Variants in NKAIN2 observed in about 807,000 individuals in gnomAD.
NKAIN2 encodes the protein sodium/potassium-transporting ATPase subunit beta-1-interacting protein 2.
A neutral mutation model predicts 32.6 loss-of-function variants in NKAIN2; 14 were observed. That is an observed-to-expected ratio of 0.43 (90% CI 0.28 to 0.67). The LOEUF (loss-of-function observed/expected upper bound fraction) is 0.67. NKAIN2 is among the 30% of genes least tolerant of loss of function. The pLI is 0.17. For missense variants in NKAIN2, 198 were observed against 258.3 expected, an observed-to-expected ratio of 0.77 and a Z score of 1.60; for synonymous variants, 80 against 87.2, an observed-to-expected ratio of 0.92 and a Z score of 0.46.
At chr6:124,100,864 C>G (rs972796930) in intron 1 of NKAIN2, among the ~76,000 whole-genome samples, 1 of 152,084 alleles carries the variant, frequency 6.6e-6, no homozygotes, top group African/African-American at 2.4e-5. Flanking sequence ...CACAAACTTG[C>G]CCAGAGGCAA....
intron 1 of NKAIN2, among the ~76,000 whole-genome samples, chr6:124,232,752 GA>G (rs35001895): frequency 0.57 from 86,565 of 150,872 alleles, 27,240 homozygotes; most frequent in South Asian, 0.72. Flanking sequence ...TATTTTTGAG[GA>G]AAAAAAAAAT....
chr6:124,278,650 C>CATATAT (rs57008229), intron 1 of NKAIN2, among the ~76,000 whole-genome samples: 1,921 of 68,568 alleles, frequency 0.028, 83 homozygotes, highest in Middle Eastern at 0.035. Flanking sequence ...ATACATAGCT[C>CATATAT]ATATATATAT....
At chr6:123,973,016 C>A (rs1382214169) in intron 1 of NKAIN2, among the ~76,000 whole-genome samples, 1 of 152,058 alleles carries the variant, frequency 6.6e-6, no homozygotes, top group East Asian at 1.9e-4. Context: ...TTTATATTTG[C>A]TGCCAGATTT....
At chr6:124,607,122 C>T (rs1782531914) in intron 3 of NKAIN2, among the ~76,000 whole-genome samples, 1 of 152,032 alleles carries the variant, frequency 6.6e-6, no homozygotes, top group Admixed American at 6.6e-5. Flanking sequence ...CTATAAATAC[C>T]TATTGTCAAA....
intron 5 of NKAIN2, among the ~76,000 whole-genome samples, chr6:124,814,464 CCT>C (rs1781055785): frequency 6.6e-6 from 1 of 152,110 alleles, no homozygotes; most frequent in Admixed American, 6.5e-5. Context: ...TCTGGGTCAC[CCT>C]CTGTTGGAAC....
intron 3 of NKAIN2, chr6:124,490,411 G>A: frequency 4.3e-6 from 1 of 231,872 alleles, no homozygotes; most frequent in Non-Finnish European, 7.6e-6. Flanking sequence ...GAATCATAGA[G>A]GTTTTTTTTT....
At chr6:124,565,543 C>T (rs970463242) in intron 3 of NKAIN2, among the ~76,000 whole-genome samples, 2 of 152,168 alleles carry the variant, frequency 1.3e-5, no homozygotes, top group African/African-American at 4.8e-5. Context: ...GTGCCAGAGA[C>T]GTAATCTCCT....
chr6:123,813,464 C>A (rs1773561519), intron 1 of NKAIN2, among the ~76,000 whole-genome samples: 4 of 152,136 alleles, frequency 2.6e-5, no homozygotes, highest in Admixed American at 2.6e-4. Context: ...GATATGTTTA[C>A]CCCTAGTTAT....
intron 3 of NKAIN2, among the ~76,000 whole-genome samples, chr6:124,386,499 G>A (rs1312197716): frequency 6.6e-6 from 1 of 152,118 alleles, no homozygotes; most frequent in Middle Eastern, 3.2e-3. Context: ...TGTTACAAAT[G>A]TTTGAAGAAA....
chr6:124,501,987 T>A (rs1418466513), intron 3 of NKAIN2, among the ~76,000 whole-genome samples: 2 of 151,938 alleles, frequency 1.3e-5, no homozygotes, highest in Non-Finnish European at 2.9e-5. Context: ...GTGCCTGTAG[T>A]CCCAGCTACG....
chr6:123,914,150 C>A (rs1467710171), intron 1 of NKAIN2, among the ~76,000 whole-genome samples: 1 of 152,040 alleles, frequency 6.6e-6, no homozygotes, highest in Non-Finnish European at 1.5e-5. Flanking sequence ...TGAGGGCCCT[C>A]TTTCTCTCTT....
At chr6:124,516,896 G>A (rs1467598887) in intron 3 of NKAIN2, among the ~76,000 whole-genome samples, 1 of 152,018 alleles carries the variant, frequency 6.6e-6, no homozygotes, top group African/African-American at 2.4e-5. Context: ...GTGAATGTTG[G>A]GTACGTAAAA....
chr6:124,410,447 T>G (rs542910009), intron 3 of NKAIN2, among the ~76,000 whole-genome samples: 2 of 152,342 alleles, frequency 1.3e-5, no homozygotes, highest in South Asian at 4.1e-4. Flanking sequence ...CATTTCGTTA[T>G]GTACCCAGTA....
intron 5 of NKAIN2, among the ~76,000 whole-genome samples, chr6:124,813,437 AGC>A (rs1177608335): frequency 1.3e-5 from 2 of 152,180 alleles, no homozygotes; most frequent in African/African-American, 4.8e-5. Flanking sequence ...AGGAACTCAA[AGC>A]AAGAACTTAA....
chr6:124,257,094 T>C (rs896979580), intron 1 of NKAIN2, among the ~76,000 whole-genome samples: 1 of 152,054 alleles, frequency 6.6e-6, no homozygotes, highest in Non-Finnish European at 1.5e-5. Flanking sequence ...AGGACAAGTT[T>C]CTACACCTCT....
At chr6:124,417,401 T>A (rs188799147) in intron 3 of NKAIN2, among the ~76,000 whole-genome samples, 1 of 152,210 alleles carries the variant, frequency 6.6e-6, no homozygotes, top group Admixed American at 6.5e-5. Flanking sequence ...GATAAAACAA[T>A]AGAAATTAAC....
intron 1 of NKAIN2, among the ~76,000 whole-genome samples, chr6:123,988,987 A>T (rs1023233598): frequency 2.0e-5 from 3 of 151,914 alleles, no homozygotes; most frequent in African/African-American, 7.2e-5. Flanking sequence ...TTTAATTTCG[A>T]TCTATTCTGT....
intron 3 of NKAIN2, among the ~76,000 whole-genome samples, chr6:124,549,571 A>T (rs199635557): frequency 6.6e-6 from 1 of 152,158 alleles, no homozygotes; most frequent in African/African-American, 2.4e-5. Context: ...CACAGAACTT[A>T]TTCAGTGTTT....
chr6:124,466,396 T>C (rs1305261704), intron 3 of NKAIN2, among the ~76,000 whole-genome samples: 1 of 152,116 alleles, frequency 6.6e-6, no homozygotes, highest in Non-Finnish European at 1.5e-5. Context: ...GTAATTCAGC[T>C]TTCAAATGAT....
Sources: allele counts gnomAD v4.1 joint callset (sites outside exome capture counted in the v4.1 genomes callset), GRCh38; gene constraint gnomAD v4.1.1; transcripts MANE v1.5; gene names NCBI Gene and HGNC (gene_info 2026-07-23, HGNC 2026-07-21).